Variants in TTC23 observed in about 807,000 individuals in gnomAD.
TTC23 encodes the protein tetratricopeptide repeat domain 23.
TTC23 carries 58 observed loss-of-function variants against 55.1 expected under a neutral mutation model. That is an observed-to-expected ratio of 1.05 (90% CI 0.85 to 1.31). The LOEUF (loss-of-function observed/expected upper bound fraction) is 1.31, where lower values mean the gene tolerates loss of function less well. TTC23 is among the 50% of genes most tolerant of loss of function. The probability of loss-of-function intolerance (pLI) is 0.00; values close to 1 mark genes in which losing one functional copy is unlikely to be tolerated. For missense variants in TTC23, 516 were observed against 534.4 expected (o/e 0.97, Z 0.34); for synonymous variants, 203 against 199.9 (o/e 1.02, Z -0.13).
At chr15:99,139,472 A>G in intron 12 of TTC23, 73 bp from the exon 13 acceptor site, 12 of 1,599,984 alleles carry the variant, frequency 7.5e-6, no homozygotes, top group Non-Finnish European at 1.0e-5. Flanking sequence ...GTCTCCCTTG[A>G]ATGAGAGAAA....
intron 4 of TTC23, among the ~76,000 whole-genome samples, chr15:99,229,778 T>G (rs1307147701): frequency 6.6e-6 from 1 of 152,214 alleles, no homozygotes; most frequent in Non-Finnish European, 1.5e-5. Flanking sequence ...CCAACCAGAC[T>G]GAAAAAATTT....
At chr15:99,213,009 G>T (rs1477922461) in intron 8 of TTC23, among the ~76,000 whole-genome samples, 1 of 43,118 alleles carries the variant, frequency 2.3e-5, no homozygotes, top group African/African-American at 7.8e-5. Flanking sequence ...AAAAAAAAGG[G>T]GGGGACATAA....
chr15:99,197,064 C>A (rs1484086809), intron 9 of TTC23, among the ~76,000 whole-genome samples: 2 of 152,006 alleles, frequency 1.3e-5, no homozygotes, highest in Non-Finnish European at 2.9e-5. Context: ...ACTGTTTTTG[C>A]TCCCTCATAT....
intron 5 of TTC23, among the ~76,000 whole-genome samples, chr15:99,225,898 C>T (rs373597406): frequency 3.0e-4 from 46 of 152,298 alleles, no homozygotes; most frequent in South Asian, 1.9e-3. Context: ...CATCACTGTA[C>T]GAAGACAAAC....
At chr15:99,224,832 A>G (rs903968869) in intron 5 of TTC23, among the ~76,000 whole-genome samples, 2 of 152,150 alleles carry the variant, frequency 1.3e-5, no homozygotes, top group African/African-American at 2.4e-5. Flanking sequence ...CAGTTAGCCC[A>G]TTTCTCCTTG....
At chr15:99,145,007 T>G (rs782545718) in intron 12 of TTC23, 7 of 152,258 alleles carry the variant, frequency 4.6e-5, no homozygotes, top group Admixed American at 3.3e-4. Flanking sequence ...GAAATACAAG[T>G]ACGCTTTCAT....
At chr15:99,141,387 TAAG>T (rs782204896) in intron 12 of TTC23, among the ~76,000 whole-genome samples, 8 of 152,030 alleles carry the variant, frequency 5.3e-5, no homozygotes, top group East Asian at 1.9e-4. Flanking sequence ...CATAGTAAAA[TAAG>T]AAGAGCATGG....
At chr15:99,155,987 C>T in intron 12 of TTC23, 161 bp downstream of exon 12, 4 of 881,686 alleles carry the variant, frequency 4.5e-6, no homozygotes, top group Middle Eastern at 6.2e-4. Context: ...TGTCTTTTAC[C>T]CAAAAAGTAT....
At chr15:99,237,617 G>A (rs1230118116) in intron 3 of TTC23, among the ~76,000 whole-genome samples, 1 of 152,164 alleles carries the variant, frequency 6.6e-6, no homozygotes, top group African/African-American at 2.4e-5. Context: ...AAGCAGATCA[G>A]TGATTGCCCT....
intron 8 of TTC23, among the ~76,000 whole-genome samples, chr15:99,215,652 G>A (rs1315602177): frequency 6.6e-6 from 1 of 152,098 alleles, no homozygotes; most frequent in Non-Finnish European, 1.5e-5. Context: ...AGGCTGAGAT[G>A]AGAGGATTGC....
chr15:99,170,919 C>T (rs1596380865), intron 10 of TTC23, among the ~76,000 whole-genome samples: 1 of 152,242 alleles, frequency 6.6e-6, no homozygotes. Context: ...GCCTTTCCCA[C>T]ATCTGCCACT....
intron 8 of TTC23, among the ~76,000 whole-genome samples, chr15:99,215,649 G>A (rs958063581): frequency 8.5e-5 from 13 of 152,146 alleles, no homozygotes; most frequent in African/African-American, 3.1e-4. Flanking sequence ...AGGAGGCTGA[G>A]ATGAGAGGAT....
chr15:99,194,562 A>G (rs2075535710), intron 9 of TTC23, among the ~76,000 whole-genome samples: 1 of 151,718 alleles, frequency 6.6e-6, no homozygotes, highest in Non-Finnish European at 1.5e-5. Flanking sequence ...CAAAAAAAAA[A>G]AAAAAAAAAA....
At chr15:99,209,509 G>A (rs936349061) in intron 8 of TTC23, among the ~76,000 whole-genome samples, 1 of 152,148 alleles carries the variant, frequency 6.6e-6, no homozygotes, top group Non-Finnish European at 1.5e-5. Context: ...AATAAGCAGG[G>A]CTCTGCTGGG....
At chr15:99,218,270 G>GA (rs1189288769) in intron 8 of TTC23, among the ~76,000 whole-genome samples, 5 of 152,096 alleles carry the variant, frequency 3.3e-5, no homozygotes, top group Admixed American at 3.3e-4. Context: ...GCAGGGCAGG[G>GA]AAAAAAGGAA....
rs1301425265 is a variant in TTC23, at chr15:99,214,369, G to A, written c.581+4219C>T. On this transcript the variant is annotated intron_variant, in intron 8 of 13. Coordinates refer to ENST00000394132, the MANE Select transcript of TTC23 (RefSeq NM_001288615.3). The stretch of plus-strand genomic sequence containing the variant: ...AAAAAATACAAAAAATTAGCCAGGC[G>A]TGGTGGTGGGTGCCTGTAGTCCCCA... 5.9e-5 allele frequency among the ~76,000 whole-genome samples: 9 copies of A among 152,092 alleles called. No individual in the cohort carries two copies. In the East Asian group the frequency reaches 7.8e-4, roughly 13 times the overall value.
intron 9 of TTC23, among the ~76,000 whole-genome samples, chr15:99,196,084 G>A (rs911932426): frequency 6.0e-5 from 9 of 150,262 alleles, no homozygotes; most frequent in Admixed American, 2.0e-4. Flanking sequence ...CCCAGGAGGC[G>A]AAGGCTGCAG....
At chr15:99,139,039 C>T in intron 13 of TTC23, 1 of 476,512 alleles carries the variant, frequency 2.1e-6, no homozygotes. Flanking sequence ...CCGGGGCCCT[C>T]CCCCTGCAGC....
upstream of TTC23, chr15:99,251,063 T>TA (rs60351017): frequency 0.8 from 122,369 of 152,080 alleles, 49,523 homozygotes; most frequent in African/African-American, 0.9. Context: ...CAACGTGTGC[T>TA]CTGAATGAGA....
Sources: gnomAD v4.1 joint callset for allele counts (sites outside exome capture counted in the v4.1 genomes callset) on GRCh38, gnomAD v4.1.1 for gene constraint, MANE v1.5 for transcripts, NCBI Gene and HGNC (gene_info 2026-07-23, HGNC 2026-07-21) for gene names.